BANP: variants seen among roughly 807,000 people sequenced by gnomAD.
BANP encodes protein BANP.
In BANP, 11 loss-of-function variants were observed where a neutral mutation model predicts 68.1. The observed-to-expected ratio is 0.16, with a 90% CI of 0.10 to 0.27. BANP has a LOEUF of 0.27. Ranked by LOEUF, BANP falls within the 10% of genes least tolerant of loss-of-function variation. The pLI, the probability that BANP is intolerant of heterozygous loss-of-function variation, is 1.00. For missense variants in BANP, 504 were observed against 722.7 expected (o/e 0.70, Z 3.47); for synonymous variants, 329 against 303.2 (o/e 1.09, Z -0.88).
chr16:88,005,941 A>G (rs2070937134), intron 5 of BANP, 149 bp from the exon 6 acceptor site: 4 of 856,808 alleles, frequency 4.7e-6, no homozygotes, highest in Non-Finnish European at 3.7e-6. Context: ...TGGAGTTTCT[A>G]TTAATCTTGG....
At chr16:87,997,219 A>C (rs1362705479) in intron 4 of BANP, among the ~76,000 whole-genome samples, 2 of 152,206 alleles carry the variant, frequency 1.3e-5, no homozygotes, top group African/African-American at 2.4e-5. Flanking sequence ...TCAGCCTCCC[A>C]AAGTGTTGGG....
intron 8 of BANP, among the ~76,000 whole-genome samples, chr16:88,029,610 C>CA (rs60313647): frequency 0.45 from 53,422 of 118,766 alleles, 13,291 homozygotes; most frequent in Non-Finnish European, 0.59. Flanking sequence ...GACTCCGTCT[C>CA]AAAAAAAAAA....
chr16:88,014,634 A>G (rs977806452), intron 6 of BANP, among the ~76,000 whole-genome samples: 6 of 151,898 alleles, frequency 4.0e-5, no homozygotes, highest in African/African-American at 1.5e-4. Context: ...AGGGATCTTT[A>G]GCAGCTTGGT....
chr16:88,011,237 T>C (rs2073029128), intron 6 of BANP, among the ~76,000 whole-genome samples: 1 of 152,172 alleles, frequency 6.6e-6, no homozygotes, highest in Non-Finnish European at 1.5e-5. Flanking sequence ...TCTTGATCCA[T>C]GGCAGTGTTG....
chr16:87,971,891 C>G (rs756421186), intron 1 of BANP, among the ~76,000 whole-genome samples: 20 of 152,272 alleles, frequency 1.3e-4, no homozygotes, highest in Middle Eastern at 3.4e-3. Context: ...CTCCCAGACT[C>G]AAGTGATTTT....
At chr16:87,969,851 G>A (rs1426511287) in intron 1 of BANP, among the ~76,000 whole-genome samples, 3 of 149,420 alleles carry the variant, frequency 2.0e-5, no homozygotes, top group East Asian at 3.9e-4. Context: ...TACATAACTT[G>A]TTTTTCTGTG....
intron 8 of BANP, among the ~76,000 whole-genome samples, chr16:88,028,253 T>G (rs1168629731): frequency 6.6e-6 from 1 of 152,228 alleles, no homozygotes; most frequent in African/African-American, 2.4e-5. Context: ...GTAGCTGCAT[T>G]GGCAGCGACT....
intron 10 of BANP, chr16:88,037,748 A>G (rs1374224745): frequency 3.4e-6 from 2 of 590,338 alleles, no homozygotes; most frequent in Admixed American, 3.0e-5. Context: ...AATGAGTACA[A>G]TGCTTTTTGA....
chr16:88,010,326 T>A (rs1249945519), intron 6 of BANP, among the ~76,000 whole-genome samples: 1 of 152,218 alleles, frequency 6.6e-6, no homozygotes, highest in African/African-American at 2.4e-5. Flanking sequence ...ATACATAAAA[T>A]GTTAGGTACT....
At chr16:88,059,010 G>C (rs2085939414) in intron 11 of BANP, among the ~76,000 whole-genome samples, 1 of 151,934 alleles carries the variant, frequency 6.6e-6, no homozygotes, top group Admixed American at 6.6e-5. Context: ...CTCACGCCCA[G>C]TGTGTATCAG....
chr16:88,042,291 C>G (rs1221840174), intron 11 of BANP, among the ~76,000 whole-genome samples: 2 of 152,238 alleles, frequency 1.3e-5, no homozygotes, highest in East Asian at 1.9e-4. Flanking sequence ...AGATGAGGTT[C>G]AGGGGACGGT....
At chr16:88,007,784 C>G (rs577416426) in intron 6 of BANP, among the ~76,000 whole-genome samples, 1 of 151,976 alleles carries the variant, frequency 6.6e-6, no homozygotes. Flanking sequence ...TTGCTTTTAC[C>G]TCTAATACAA....
chr16:88,029,604 C>G (rs1283431318), intron 8 of BANP, among the ~76,000 whole-genome samples: 5 of 118,596 alleles, frequency 4.2e-5, no homozygotes, highest in East Asian at 5.9e-4. Context: ...GAGCAAGACT[C>G]CGTCTCAAAA....
At chr16:88,025,123 G>A (rs2076739716) in intron 7 of BANP, among the ~76,000 whole-genome samples, 1 of 152,156 alleles carries the variant, frequency 6.6e-6, no homozygotes, top group Non-Finnish European at 1.5e-5. Flanking sequence ...CCTGCTGGTG[G>A]GATGGCTGTT....
chr16:88,015,319 C>T (rs1441991094), intron 6 of BANP, among the ~76,000 whole-genome samples: 1 of 151,726 alleles, frequency 6.6e-6, no homozygotes, highest in East Asian at 1.9e-4. Flanking sequence ...GCCCCCTCAG[C>T]TCGTGCCCTC....
intron 4 of BANP, among the ~76,000 whole-genome samples, chr16:87,999,075 C>T (rs527497349): frequency 2.9e-4 from 40 of 135,696 alleles, no homozygotes; most frequent in Admixed American, 8.1e-4. Context: ...TCTCCATGCA[C>T]GCACGTGCGC....
chr16:88,056,883 G>GCA (rs1196978003), intron 11 of BANP, among the ~76,000 whole-genome samples: 1 of 152,158 alleles, frequency 6.6e-6, no homozygotes, highest in East Asian at 1.9e-4. Context: ...GTTATATGAT[G>GCA]CACACATTGA....
intron 4 of BANP, among the ~76,000 whole-genome samples, chr16:87,985,324 A>G (rs1356523064): frequency 6.6e-6 from 1 of 152,174 alleles, no homozygotes; most frequent in Non-Finnish European, 1.5e-5. Flanking sequence ...CTCAGTTCGC[A>G]GGCGGGAGCT....
chr16:88,018,790 T>A lies in BANP; in HGVS notation c.895+123T>A. On this transcript the variant is annotated intron_variant, in intron 7 of 13. Transcript: ENST00000682872. The surrounding 1 kb of genome is among the most constrained non-coding windows in gnomAD (Gnocchi z 7.7). Reference sequence around the variant, plus strand: ...CGGGGCTGCGTTTCTCCAGGCGGTTTGAAATCTCAGCCCGAGGATCAGTGC... The same window carrying A: ...CGGGGCTGCGTTTCTCCAGGCGGTTAGAAATCTCAGCCCGAGGATCAGTGC... 1 of 1,291,498 alleles carries A rather than the reference T, an allele frequency of 7.7e-7. No homozygotes were observed. The highest frequency in any genetic ancestry group is 1.5e-5 in the African/African-American group (1 of 67,280). 80.0% of individuals were successfully genotyped at this position (1,291,498 alleles called of 1,614,324 possible).
Sources: allele counts gnomAD v4.1 joint callset (sites outside exome capture counted in the v4.1 genomes callset), GRCh38; gene constraint gnomAD v4.1.1; non-coding constraint Gnocchi (gnomAD v3.1); transcripts MANE v1.5; gene names NCBI Gene and HGNC (gene_info 2026-07-23, HGNC 2026-07-21).